Variants in ACSL1 observed in about 807,000 individuals in gnomAD.
ACSL1 encodes acyl-CoA synthetase long chain family member 1.
Under a neutral mutation model 98.4 loss-of-function variants are expected in ACSL1, and 41 were observed. The observed-to-expected ratio is 0.42, with a 90% CI of 0.32 to 0.54. The LOEUF (loss-of-function observed/expected upper bound fraction) is 0.54. Ranked by LOEUF, ACSL1 falls within the 20% of genes least tolerant of loss-of-function variation. The pLI, the probability that ACSL1 is intolerant of heterozygous loss-of-function variation, is 0.13. For missense variants in ACSL1, 734 were observed against 883.1 expected, an observed-to-expected ratio of 0.83 and a Z score of 2.14; for synonymous variants, 316 against 322.7, an observed-to-expected ratio of 0.98 and a Z score of 0.22.
intron 1 of ACSL1, among the ~76,000 whole-genome samples, chr4:184,810,099 A>G (rs986782929): frequency 6.6e-6 from 1 of 152,152 alleles, no homozygotes; most frequent in Non-Finnish European, 1.5e-5. Flanking sequence ...ATCTAACTAA[A>G]CCTCATACTC....
chr4:184,788,466 G>C (rs1177693056), intron 3 of ACSL1, 151 bp downstream of exon 3: 2 of 711,766 alleles, frequency 2.8e-6, no homozygotes, highest in Middle Eastern at 2.3e-4. Context: ...TGAGCTTTGG[G>C]ACCGACTCTG....
At chr4:184,807,976 G>T (rs1376013446) in intron 1 of ACSL1, among the ~76,000 whole-genome samples, 1 of 152,180 alleles carries the variant, frequency 6.6e-6, no homozygotes, top group African/African-American at 2.4e-5. Flanking sequence ...GAACCATGAG[G>T]TCAGGTTTCT....
In ACSL1 at chr4:184,757,717, A is replaced by G; in HGVS notation, c.1885-11T>C. On this transcript the variant is annotated splice_polypyrimidine_tract_variant and intron_variant, in intron 19 of 20. Transcript: ENST00000281455. The surrounding 1 kb of genome is among the most constrained non-coding windows in gnomAD (Gnocchi z 4.5). ...AGCTTTTTTGACATCCTAAAAGGGT[A>G]AGAAAAATAAATTACTTCCTCTGTT... 6.2e-7 allele frequency: 1 copy of G among 1,613,360 alleles called. No individual in the cohort carries two copies. Among genetic ancestry groups the G allele is most frequent in the South Asian group, 1.1e-5 (1 of 90,930 alleles).
intron 3 of ACSL1, among the ~76,000 whole-genome samples, chr4:184,786,126 G>A (rs563521168): frequency 8.5e-5 from 13 of 152,140 alleles, no homozygotes; most frequent in Admixed American, 1.3e-4. Context: ...AGCCGCCCAC[G>A]ACCCTTAACT....
At chr4:184,762,326 T>G in intron 17 of ACSL1, 81 bp downstream of exon 17, 1 of 1,209,122 alleles carries the variant, frequency 8.3e-7, no homozygotes, top group Non-Finnish European at 1.2e-6. Flanking sequence ...CACTGCCACA[T>G]GGCAGCTGCA....
chr4:184,765,938 C>G lies in ACSL1; in HGVS notation c.1312G>C (p.Val438Leu), dbSNP rs746800196. Residue 438 changes from valine (V) to leucine (L), a missense_variant, in exon 14 of 21, where the codon GTG becomes CTG. Coordinates refer to ENST00000281455, the MANE Select transcript of ACSL1 (RefSeq NM_001995.5). ...AGGAACGTCAGCACAGTGGCAGACA[C>G]CGGGGCGGCTCCTGTCACCATCAGC... ...VRLMVTGAAP[V>L]SATVLTFLRA... 2.5e-6 allele frequency: 4 copies of G among 1,613,932 alleles called. No individual in the cohort carries two copies. The highest frequency in any genetic ancestry group is 1.7e-5 in the Admixed American group (1 of 59,994).
rs1218160260 is a variant in ACSL1 at position 184,773,351 on chromosome 4, C to T, written c.842-197G>A. Among the ~76,000 whole-genome samples, 1 of 152,168 alleles carries T rather than the reference C, an allele frequency of 6.6e-6. No homozygotes were observed. Among genetic ancestry groups the T allele is most frequent in the Non-Finnish European group, 1.5e-5 (1 of 68,030 alleles). On this transcript the variant is annotated intron_variant, in intron 9 of 20. Coordinates refer to ENST00000281455, the MANE Select transcript of ACSL1 (RefSeq NM_001995.5). This position sits in a 1 kb window ranked among gnomAD's most constrained non-coding sequence, Gnocchi z 4.3. ...TTAAAAACCTTTATTAATATGGGCA[C>T]ATTTTAAAGGGTATATACGTAGTCA...
At chr4:184,762,848 A>G (rs866991085) in intron 16 of ACSL1, among the ~76,000 whole-genome samples, 2 of 152,234 alleles carry the variant, frequency 1.3e-5, no homozygotes, top group Admixed American at 6.5e-5. Flanking sequence ...CCAGCAGCTC[A>G]CTAATAGGTA....
chr4:184,772,065 T>A (rs1764595807), intron 10 of ACSL1, among the ~76,000 whole-genome samples: 1 of 152,240 alleles, frequency 6.6e-6, no homozygotes, highest in Admixed American at 6.5e-5. Flanking sequence ...ACTGATATTG[T>A]AATTGATTTG....
chr4:184,822,492 C>T (rs976673897), intron 1 of ACSL1, among the ~76,000 whole-genome samples: 8 of 152,172 alleles, frequency 5.3e-5, no homozygotes, highest in African/African-American at 7.2e-5. Context: ...AATCCTAGCA[C>T]TTTGGGGAGG....
At chr4:184,792,362 G>C (rs1465610397) in intron 2 of ACSL1, among the ~76,000 whole-genome samples, 1 of 152,172 alleles carries the variant, frequency 6.6e-6, no homozygotes, top group Non-Finnish European at 1.5e-5. Context: ...GAATAAGAAG[G>C]GGAAGGGCAC....
chr4:184,763,251 A>G lies in ACSL1; in HGVS notation c.1437T>C (p.His479=), dbSNP rs935986855. 2.4e-5 allele frequency: 39 copies of G among 1,613,360 alleles called. No homozygotes were observed. The Middle Eastern group carries it at 4.9e-4, about 20-fold the overall frequency. Residue 479 remains histidine (H), a synonymous_variant, in exon 16 of 21, where the codon CAT becomes CAC. Coordinates refer to ENST00000281455, the MANE Select transcript of ACSL1 (RefSeq NM_001995.5). ...AATTGCACGGCATCGGGGCCCCAAC[A>G]TGGCCTGTATATTAAATAAGCAAAT... ...LTMPGDWTAG[H]VGAPMPCNLI...
intron 2 of ACSL1, 38 bp from the exon 3 acceptor site, chr4:184,788,769 GAA>G (rs759115328): frequency 1.3e-6 from 2 of 1,530,676 alleles, no homozygotes. Context: ...AGAAGGCAGT[GAA>G]ACATCTATGC....
intron 2 of ACSL1, among the ~76,000 whole-genome samples, chr4:184,800,884 G>A (rs1037160399): frequency 2.0e-5 from 3 of 152,240 alleles, no homozygotes; most frequent in Non-Finnish European, 2.9e-5. Context: ...ACAAGGTCTC[G>A]CTCTGTTGCC....
chr4:184,757,358 G>T lies in ACSL1; in HGVS notation c.1957-93C>A. ...CCTTGGAGGGGATCAACACTCTCCA[G>T]CCATCCAATCCATCCTCTCATTTCA... On this transcript the variant is annotated intron_variant, in intron 20 of 20. Coordinates refer to ENST00000281455, the MANE Select transcript of ACSL1 (RefSeq NM_001995.5). The surrounding 1 kb of genome is among the most constrained non-coding windows in gnomAD (Gnocchi z 4.5). 7.0e-7 allele frequency: 1 copy of T among 1,437,614 alleles called. No individual in the cohort carries two copies. Among genetic ancestry groups the T allele is most frequent in the Non-Finnish European group, 9.4e-7 (1 of 1,069,514 alleles). 89.1% of individuals were successfully genotyped at this position (1,437,614 alleles called of 1,614,324 possible).
In ACSL1 at chr4:184,818,114, A is replaced by G. The variant is rs964585655; in HGVS notation, c.-33+7802T>C. ...TGCCTGGCTGGGCTGCTTGACAGAT[A>G]AGGTCCCCCGCCAGCTCCCCATCCT... On this transcript the variant is annotated intron_variant, in intron 1 of 20. Coordinates refer to ENST00000281455, the MANE Select transcript of ACSL1 (RefSeq NM_001995.5). 3.2e-4 allele frequency among the ~76,000 whole-genome samples: 48 copies of G among 152,274 alleles called. 1 individual carries two copies. Among genetic ancestry groups the G allele is most frequent in the Admixed American group, 2.0e-3 (30 of 15,274 alleles).
At chr4:184,761,772 A>G (rs1172809152) in intron 17 of ACSL1, among the ~76,000 whole-genome samples, 1 of 151,922 alleles carries the variant, frequency 6.6e-6, no homozygotes, top group Non-Finnish European at 1.5e-5. Flanking sequence ...CGGATATTGT[A>G]AAAAAGCCAC....
intron 1 of ACSL1, chr4:184,813,893 A>T: frequency 2.2e-6 from 1 of 456,016 alleles, no homozygotes; most frequent in Non-Finnish European, 4.4e-6. Context: ...TGTTTGAGAA[A>T]CTGCACGCAG....
intron 16 of ACSL1, among the ~76,000 whole-genome samples, 163 bp from the exon 17 acceptor site, chr4:184,762,686 A>G (rs939040): frequency 1 from 152,234 of 152,378 alleles, 76,046 homozygotes; most frequent in Non-Finnish European, 1. Flanking sequence ...GGTCTGCGAG[A>G]GATCTCCAGT....
Sources: gnomAD v4.1 joint callset for allele counts (sites outside exome capture counted in the v4.1 genomes callset) on GRCh38, gnomAD v4.1.1 for gene constraint, Gnocchi (gnomAD v3.1) non-coding constraint, MANE v1.5 for transcripts, NCBI Gene and HGNC (gene_info 2026-07-23, HGNC 2026-07-21) for gene names.